The following NR3C2 variants were observed in gnomAD, a reference collection of about 807,000 sequenced individuals.
NR3C2 encodes the protein nuclear receptor subfamily 3 group C member 2.
In NR3C2, 15 loss-of-function variants were observed where a neutral mutation model predicts 86.4. The observed-to-expected ratio is 0.17, with a 90% CI of 0.12 to 0.27. NR3C2 has a LOEUF of 0.27. Ranked by LOEUF, NR3C2 falls within the 10% of genes least tolerant of loss-of-function variation. The pLI is 1.00. For missense variants in NR3C2, 960 were observed against 1,195.6 expected, an observed-to-expected ratio of 0.80 and a Z score of 2.91; for synonymous variants, 458 against 450.5, an observed-to-expected ratio of 1.02 and a Z score of -0.21.
At chr4:148,109,724 A>G (rs1560926362) in intron 8 of NR3C2, among the ~76,000 whole-genome samples, 1 of 152,136 alleles carries the variant, frequency 6.6e-6, no homozygotes, top group Non-Finnish European at 1.5e-5. Context: ...TCAGGTTGCT[A>G]TCTTATTTAT....
intron 4 of NR3C2, among the ~76,000 whole-genome samples, chr4:148,192,602 G>C (rs1165284665): frequency 6.6e-6 from 1 of 151,870 alleles, no homozygotes; most frequent in Non-Finnish European, 1.5e-5. Context: ...CCATCAGGTG[G>C]GGGTATGGCT....
At chr4:148,176,605 A>G (rs948992175) in intron 4 of NR3C2, among the ~76,000 whole-genome samples, 4 of 152,228 alleles carry the variant, frequency 2.6e-5, no homozygotes, top group African/African-American at 9.6e-5. Flanking sequence ...GGCCATTATC[A>G]ACACTGAAGG....
intron 3 of NR3C2, among the ~76,000 whole-genome samples, chr4:148,199,985 T>C (rs1052162430): frequency 3.9e-5 from 6 of 152,228 alleles, no homozygotes; most frequent in Non-Finnish European, 8.8e-5. Context: ...AAGGAAAGCA[T>C]CTGGCATAAG....
At chr4:148,324,002 T>C (rs887593776) in intron 2 of NR3C2, among the ~76,000 whole-genome samples, 1 of 152,206 alleles carries the variant, frequency 6.6e-6, no homozygotes, top group Non-Finnish European at 1.5e-5. Context: ...ATTTCTCACC[T>C]CTGCCCTCTA....
chr4:148,281,279 C>T (rs565581303), intron 2 of NR3C2, among the ~76,000 whole-genome samples: 31 of 152,326 alleles, frequency 2.0e-4, no homozygotes, highest in African/African-American at 7.2e-4. Flanking sequence ...CCAGTATCTG[C>T]AGTTATACGT....
intron 2 of NR3C2, among the ~76,000 whole-genome samples, chr4:148,343,800 G>A (rs1744864470): frequency 1.3e-5 from 2 of 151,950 alleles, no homozygotes; most frequent in Non-Finnish European, 2.9e-5. Flanking sequence ...GGAGAAAGAA[G>A]GTGTAATAAG....
chr4:148,259,625 G>A (rs754964336), intron 3 of NR3C2, among the ~76,000 whole-genome samples: 6 of 152,240 alleles, frequency 3.9e-5, no homozygotes, highest in Non-Finnish European at 8.8e-5. Context: ...AGAAAAGGCA[G>A]AAATCATGTA....
chr4:148,442,716 G>C, upstream of NR3C2: 1 of 985,414 alleles, frequency 1.0e-6, no homozygotes. Flanking sequence ...GGACTCGGCA[G>C]CTTCCTTAAA....
chr4:148,108,722 C>G (rs901930889), intron 8 of NR3C2, among the ~76,000 whole-genome samples: 1 of 152,174 alleles, frequency 6.6e-6, no homozygotes, highest in Non-Finnish European at 1.5e-5. Flanking sequence ...GTCTAATGGT[C>G]GTACACAGAA....
chr4:148,083,809 A>C (rs1376653559), intron 8 of NR3C2, among the ~76,000 whole-genome samples: 1 of 152,206 alleles, frequency 6.6e-6, no homozygotes, highest in Admixed American at 6.5e-5. Context: ...TAGAATAACC[A>C]GTTTAGAGAA....
intron 4 of NR3C2, among the ~76,000 whole-genome samples, chr4:148,174,522 A>T (rs1014915718): frequency 6.6e-6 from 1 of 152,154 alleles, no homozygotes; most frequent in Non-Finnish European, 1.5e-5. Context: ...TTTCTGTCTG[A>T]CTGTACTGAT....
rs1320684797 is a variant in NR3C2 at position 148,435,944 on chromosome 4, G to C, written c.917C>G (p.Ser306Ter). Residue 306 changes from serine (S) to a stop codon, truncating the protein, a stop_gained, in exon 2 of 9, where the codon TCA (serine) becomes TGA (stop). Transcript: ENST00000358102. LOFTEE classifies it high-confidence loss of function. ...CGAAGGGCTGGAAACAGAGCACCTT[G>C]AGTTGTTAATATTTGCAGGGCTAGA... is the stretch of plus-strand genomic sequence containing the variant. Reference protein sequence around the residue: ...SVSSPANINNSRCSVSSPSNT... With the variant: ...SVSSPANINN The C allele has an allele frequency of 6.2e-7, 1 of 1,614,192 alleles. No individual in the cohort carries two copies. The highest frequency in any genetic ancestry group is 1.7e-5 in the Admixed American group (1 of 60,012).
chr4:148,444,714 C>T (rs1211029643), upstream of NR3C2: 21 of 985,180 alleles, frequency 2.1e-5, no homozygotes, highest in Non-Finnish European at 2.4e-5. Context: ...TGTTACCCTA[C>T]AAGAGGCGGC....
chr4:148,363,184 G>T (rs1745926839), intron 2 of NR3C2, among the ~76,000 whole-genome samples: 1 of 152,116 alleles, frequency 6.6e-6, no homozygotes, highest in Non-Finnish European at 1.5e-5. Flanking sequence ...GACCATGAGG[G>T]GCTAATCAAG....
chr4:148,169,522 T>G (rs890961745), intron 4 of NR3C2, among the ~76,000 whole-genome samples: 11 of 150,984 alleles, frequency 7.3e-5, no homozygotes, highest in Non-Finnish European at 1.3e-4. Context: ...ATATATAAAA[T>G]CATGTATATA....
intron 2 of NR3C2, among the ~76,000 whole-genome samples, chr4:148,385,342 C>T (rs1747208625): frequency 6.6e-6 from 1 of 152,122 alleles, no homozygotes; most frequent in Admixed American, 6.5e-5. Context: ...ACCCTGGCAA[C>T]AATTAAAAAA....
At chr4:148,113,796 C>G (rs1732149619) in intron 8 of NR3C2, among the ~76,000 whole-genome samples, 1 of 152,158 alleles carries the variant, frequency 6.6e-6, no homozygotes. Flanking sequence ...GATCGAGGCC[C>G]TTTGTCATGG....
chr4:148,143,347 A>G, intron 6 of NR3C2, among the ~76,000 whole-genome samples: 1 of 152,174 alleles, frequency 6.6e-6, no homozygotes, highest in East Asian at 1.9e-4. Flanking sequence ...GTTGTCATAT[A>G]CAAGTATCAG....
intron 4 of NR3C2, among the ~76,000 whole-genome samples, chr4:148,173,832 T>G (rs1414569336): frequency 6.6e-6 from 1 of 152,174 alleles, no homozygotes. Flanking sequence ...CAGAAACTGC[T>G]TCAGCACTGA....
Sources: allele counts gnomAD v4.1 joint callset (sites outside exome capture counted in the v4.1 genomes callset), GRCh38; gene constraint gnomAD v4.1.1; transcripts MANE v1.5; gene names NCBI Gene and HGNC (gene_info 2026-07-23, HGNC 2026-07-21).